The following ZNF783 variants were observed in gnomAD, a reference collection of about 807,000 sequenced individuals.
ZNF783 encodes zinc finger protein 783.
ZNF783 carries 25 observed loss-of-function variants against 31.3 expected under a neutral mutation model. The ratio of observed to expected loss-of-function variants is 0.80; its 90% CI spans 0.58 to 1.11. The LOEUF (loss-of-function observed/expected upper bound fraction) is 1.11. Among genes scored for constraint, ZNF783 ranks in the 50% most tolerant of loss-of-function variants. ZNF783 has a pLI of 0.00. For synonymous variants in ZNF783, 369 were observed against 319.1 expected (o/e 1.16, Z -1.66); for missense variants, 797 against 760.0 (o/e 1.05, Z -0.57).
At chr7:149,275,659 T>C (rs73479987) in intron 4 of ZNF783, 2,887 of 152,306 alleles carry the variant, frequency 0.019, 87 homozygotes, top group African/African-American at 0.066. Flanking sequence ...TGAGGTTGCC[T>C]TCTTGGCCTG....
At position 149,264,476 on chromosome 7, in the gene ZNF783, G is replaced by A. The variant is rs182160258; in HGVS notation, c.25-1859G>A. 2.6e-5 allele frequency among the ~76,000 whole-genome samples: 4 copies of A among 152,248 alleles called. No homozygotes were observed. The East Asian group carries it at 7.7e-4, about 29-fold the overall frequency. On this transcript the variant is annotated intron_variant, in intron 1 of 5. Coordinates refer to ENST00000434415, the MANE Select transcript of ZNF783 (RefSeq NM_001195220.2). ...GGATGGCTCAAGGTCAAGAGAGGTC[G>A]GCTGGGCCATGAAGAAGTCTAGATC...
chr7:149,269,487 C>A (rs1464888893), intron 4 of ZNF783, among the ~76,000 whole-genome samples: 1 of 152,172 alleles, frequency 6.6e-6, no homozygotes, highest in African/African-American at 2.4e-5. Flanking sequence ...GCCAAAAATT[C>A]TTTGCCAAGG....
At chr7:149,262,665 T>C (rs1205378808) in intron 1 of ZNF783, among the ~76,000 whole-genome samples, 2 of 152,118 alleles carry the variant, frequency 1.3e-5, no homozygotes, top group Non-Finnish European at 2.9e-5. Context: ...TATTGTCCCA[T>C]TTGAGGCCTC....
At chr7:149,273,797 G>A (rs1313926967) in intron 4 of ZNF783, among the ~76,000 whole-genome samples, 1 of 152,154 alleles carries the variant, frequency 6.6e-6, no homozygotes, top group Non-Finnish European at 1.5e-5. Context: ...TCCTGCCACA[G>A]CCTTCCAAAG....
chr7:149,281,141 A>C (rs1797456678), intron 5 of ZNF783, among the ~76,000 whole-genome samples: 1 of 152,154 alleles, frequency 6.6e-6, no homozygotes. Flanking sequence ...ATGTCACCAG[A>C]ACTCTTGGGG....
chr7:149,263,313 TATATATATATA>T (rs1796987975), intron 1 of ZNF783, among the ~76,000 whole-genome samples: 2 of 132,742 alleles, frequency 1.5e-5, no homozygotes, highest in African/African-American at 6.1e-5. Context: ...TGTATATATA[TATATATATATA>T]TTTTTTTTTT....
rs959969856 is a variant in ZNF783, at chr7:149,266,321, C to T, written c.25-14C>T. The T allele has an allele frequency of 6.5e-7, 1 of 1,537,928 alleles. No individual in the cohort carries two copies. Among genetic ancestry groups the T allele is most frequent in the Non-Finnish European group, 8.7e-7 (1 of 1,152,432 alleles). The stretch of plus-strand genomic sequence containing the variant: ...AATTCTCATAACATCTCTCTTTTCT[C>T]TTCTTGTGAGCAGGACCCCGAGACA... On this transcript the variant is annotated splice_polypyrimidine_tract_variant and intron_variant, in intron 1 of 5. Coordinates refer to ENST00000434415, the MANE Select transcript of ZNF783 (RefSeq NM_001195220.2).
At chr7:149,279,200 C>A (rs1298043531) in intron 5 of ZNF783, among the ~76,000 whole-genome samples, 1 of 152,252 alleles carries the variant, frequency 6.6e-6, no homozygotes, top group Non-Finnish European at 1.5e-5. Flanking sequence ...GGATCATCCT[C>A]CCTTCCCTGG....
intron 4 of ZNF783, chr7:149,276,713 C>T: frequency 3.8e-6 from 3 of 779,966 alleles, no homozygotes; most frequent in Non-Finnish European, 4.7e-6. Flanking sequence ...CCCCGTTGCC[C>T]AGGTTGGAAT....
At chr7:149,267,025 TA>T in intron 3 of ZNF783, 71 bp from the exon 4 acceptor site, 1 of 1,611,840 alleles carries the variant, frequency 6.2e-7, no homozygotes, top group South Asian at 1.1e-5. Flanking sequence ...TGGCTTTTGG[TA>T]CTTTGGGCAT....
At position 149,284,518 on chromosome 7, in the gene ZNF783, C is replaced by T. The variant is rs1797557315; in HGVS notation, c.*2175C>T. The T allele has an allele frequency of 6.6e-6, 1 of 152,302 alleles. No individual in the cohort carries two copies. Among genetic ancestry groups the T allele is most frequent in the Non-Finnish European group, 1.5e-5 (1 of 68,102 alleles). 9.4% of individuals were successfully genotyped at this position (152,302 alleles called of 1,614,324 possible). A position where few individuals can be genotyped will look rare whatever the true frequency, so the allele number is the denominator to read the frequency against. On this transcript the variant is annotated 3_prime_UTR_variant, in exon 6 of 6. Transcript: ENST00000434415. ...GACGGGCTGTCAGCAAGAGCTCAGA[C>T]AGGATGTGGTGCAAGTGCAGGTGCA...
chr7:149,282,880 C>T lies in ZNF783; in HGVS notation c.*537C>T, dbSNP rs1205548666. The T allele has an allele frequency of 2.0e-5, 3 of 152,234 alleles. No homozygotes were observed. The highest frequency in any genetic ancestry group is 2.9e-5 in the Non-Finnish European group (2 of 68,222). The allele number at this position is 152,234 out of a possible 1,614,324, so 9.4% of individuals were successfully genotyped here. A position where few individuals can be genotyped will look rare whatever the true frequency, so the allele number is the denominator to read the frequency against. ...AATGGAACTTTGCCTTTTGCAAAGT[C>T]GGAAAGAGTCGGCTTTTCCATGTGA... On this transcript the variant is annotated 3_prime_UTR_variant, in exon 6 of 6. Transcript: ENST00000434415.
rs1797532538 is a variant in ZNF783, at chr7:149,283,441, C to CT, written c.*1099dup. 1 of 152,274 alleles carries CT rather than the reference C, an allele frequency of 6.6e-6. No individual in the cohort carries two copies. The highest frequency in any genetic ancestry group is 2.4e-5 in the African/African-American group (1 of 41,444). 9.4% of individuals were successfully genotyped at this position (152,274 alleles called of 1,614,324 possible). On this transcript the variant is annotated 3_prime_UTR_variant, in exon 6 of 6. Transcript: ENST00000434415. ...GTCAGCTGGGAGGGGAAACTGAAGC[C>CT]TGGACACGTCTCCCCAAGGGCTCAG... is the stretch of plus-strand genomic sequence containing the variant.
intron 4 of ZNF783, among the ~76,000 whole-genome samples, chr7:149,275,197 T>G (rs1797298822): frequency 6.6e-6 from 1 of 152,204 alleles, no homozygotes; most frequent in Non-Finnish European, 1.5e-5. Context: ...CTTTTTCAGA[T>G]TGTTCACTGT....
At chr7:149,271,644 A>G (rs1797213522) in intron 4 of ZNF783, among the ~76,000 whole-genome samples, 1 of 152,170 alleles carries the variant, frequency 6.6e-6, no homozygotes, top group Non-Finnish European at 1.5e-5. Context: ...AAGATATTTT[A>G]TGTTTGCGAA....
chr7:149,281,637 C>G lies in ZNF783; in HGVS notation c.935C>G (p.Pro312Arg), dbSNP rs766326958. The change falls in exon 6 of 6, where the codon CCC becomes CGC. Residue 312 changes from proline (P) to arginine (R), a missense_variant. Coordinates refer to ENST00000434415, the MANE Select transcript of ZNF783 (RefSeq NM_001195220.2). The part of the protein sequence containing the change: ...PRGPRNRPGG[P>R]SRHQAQGMPR... ...GGGCCCAGGAACAGGCCTGGGGGCC[C>G]CAGCCGTCATCAGGCCCAGGGCATG... The G allele has an allele frequency of 1.9e-5, 29 of 1,545,306 alleles. No individual in the cohort carries two copies. Among genetic ancestry groups the G allele is most frequent in the Middle Eastern group, 1.7e-4 (1 of 5,820 alleles).
Position 149,263,324 on chromosome 7 carries a change from A to AT in ZNF783, c.24+977dup, listed in dbSNP as rs1210367064. On this transcript the variant is annotated intron_variant, in intron 1 of 5. Transcript: ENST00000434415. ...TGTGTGTATATATATATATATATATATTTTTTTTTTAGACACAGTCTCACT... is the reference window on the plus strand; with the variant it reads ...TGTGTGTATATATATATATATATATATTTTTTTTTTTAGACACAGTCTCACT... Among the ~76,000 whole-genome samples, 349 of 108,276 alleles carry AT rather than the reference A, an allele frequency of 3.2e-3. 2 individuals are homozygous for AT. The highest frequency in any genetic ancestry group is 0.015 in the South Asian group (57 of 3,864). 71.0% of individuals were successfully genotyped at this position (108,276 alleles called of 152,430 possible).
At position 149,282,279 on chromosome 7, in the gene ZNF783, C is replaced by T. The variant is rs1245457638; in HGVS notation, c.1577C>T (p.Pro526Leu). ...HARGQVGPHFPAAPARHGSLP... is the reference protein window; with the variant it reads ...HARGQVGPHFLAAPARHGSLP... Reference sequence around the variant, plus strand: ...CGAGGCCAGGTGGGCCCACACTTCCCTGCCGCCCCCGCCCGCCACGGGAGC... The same window carrying T: ...CGAGGCCAGGTGGGCCCACACTTCCTTGCCGCCCCCGCCCGCCACGGGAGC... Residue 526 changes from proline to leucine, a missense_variant, in exon 6 of 6, where the codon CCT (proline) becomes CTT (leucine). Physicochemically the swap from Pro to Leu is moderately conservative, Grantham distance 98 (BLOSUM62 -3). Coordinates refer to ENST00000434415, the MANE Select transcript of ZNF783 (RefSeq NM_001195220.2). 3 of 1,574,100 alleles carry T rather than the reference C, an allele frequency of 1.9e-6. No individual in the cohort carries two copies. The highest frequency in any genetic ancestry group is 1.8e-5 in the Admixed American group (1 of 56,214).
rs6944135 is a variant in ZNF783, at chr7:149,276,835, C to T, written c.674-1564C>T. 2.1e-3 allele frequency among the ~76,000 whole-genome samples: 313 copies of T among 151,884 alleles called. 2 individuals carry two copies. The highest frequency in any genetic ancestry group is 7.1e-3 in the African/African-American group (295 of 41,426). On this transcript the variant is annotated intron_variant, in intron 4 of 5. Coordinates refer to ENST00000434415, the MANE Select transcript of ZNF783 (RefSeq NM_001195220.2). ...TGCAGTCATGTGCCACCATACTCGG[C>T]GTTTGGTGGTTATTTATTTATTTTT...
Sources: gnomAD v4.1 joint callset for allele counts (sites outside exome capture counted in the v4.1 genomes callset) on GRCh38, gnomAD v4.1.1 for gene constraint, MANE v1.5 for transcripts, NCBI Gene and HGNC (gene_info 2026-07-23, HGNC 2026-07-21) for gene names.